XPR1: variants seen among roughly 807,000 people sequenced by gnomAD.
XPR1 encodes the protein solute carrier family 53 member 1.
XPR1 carries 28 observed loss-of-function variants against 87.5 expected under a neutral mutation model. That is an observed-to-expected ratio of 0.32 (90% CI 0.24 to 0.44). The LOEUF (loss-of-function observed/expected upper bound fraction) is 0.44. Ranked by LOEUF, XPR1 falls within the 20% of genes least tolerant of loss-of-function variation. The probability of loss-of-function intolerance (pLI) is 1.00; values close to 1 mark genes in which losing one functional copy is unlikely to be tolerated. For synonymous variants in XPR1, 300 were observed against 306.1 expected (o/e 0.98, Z 0.21); for missense variants, 559 against 862.3 (o/e 0.65, Z 4.41).
intron 2 of XPR1, among the ~76,000 whole-genome samples, chr1:180,759,140 A>G (rs1358491457): frequency 6.6e-6 from 1 of 152,218 alleles, no homozygotes; most frequent in African/African-American, 2.4e-5. Flanking sequence ...AATTTATAGC[A>G]CTAAATGCCC....
intron 2 of XPR1, among the ~76,000 whole-genome samples, chr1:180,747,578 AT>A (rs978389355): frequency 6.6e-6 from 1 of 152,212 alleles, no homozygotes. Context: ...GTTGATTGGA[AT>A]TTAGATAGTG....
intron 1 of XPR1, among the ~76,000 whole-genome samples, chr1:180,656,619 T>TA (rs1655533832): frequency 2.7e-5 from 3 of 111,656 alleles, no homozygotes; most frequent in African/African-American, 9.9e-5. Context: ...GTATAATATA[T>TA]TTTATATATG....
chr1:180,679,324 C>T (rs1571714714), intron 1 of XPR1, among the ~76,000 whole-genome samples: 1 of 152,190 alleles, frequency 6.6e-6, no homozygotes, highest in Non-Finnish European at 1.5e-5. Flanking sequence ...CTTCAGGGGA[C>T]ATTCGGCAAT....
intron 3 of XPR1, among the ~76,000 whole-genome samples, chr1:180,791,956 G>A (rs1571842487): frequency 1.3e-5 from 2 of 152,300 alleles, no homozygotes; most frequent in African/African-American, 2.4e-5. Flanking sequence ...TATTGGCAGG[G>A]CCAGTGAGGC....
chr1:180,674,561 CT>C (rs11382033), intron 1 of XPR1, among the ~76,000 whole-genome samples: 473 of 145,232 alleles, frequency 3.3e-3, no homozygotes, highest in African/African-American at 3.5e-3. Context: ...ACCCAGCCAA[CT>C]TTTTTTTTTT....
Position 180,806,155 on chromosome 1 carries a change from G to C in XPR1, c.541G>C (p.Glu181Gln). The change falls in exon 5 of 15, where the codon GAG (glutamate) becomes CAG (glutamine). Residue 181 changes from glutamate (E) to glutamine (Q), a missense_variant. By Grantham distance (29) the Glu-to-Gln change is conservative. Coordinates refer to ENST00000367590, the MANE Select transcript of XPR1 (RefSeq NM_004736.4). ...AGCAGATTGGCGAGTGGCTCACGTAGAGGTGGCCCCATTTTATACATGCAA... is the reference window on the plus strand; with the variant it reads ...AGCAGATTGGCGAGTGGCTCACGTACAGGTGGCCCCATTTTATACATGCAA... ...RGADWRVAHV[E>Q]VAPFYTCKKI... is the part of the protein sequence containing the mutation. 1 of 1,613,722 alleles carries C rather than the reference G, an allele frequency of 6.2e-7. No homozygotes were observed. Among genetic ancestry groups the C allele is most frequent in the Non-Finnish European group, 8.5e-7 (1 of 1,179,736 alleles).
intron 7 of XPR1, among the ~76,000 whole-genome samples, chr1:180,820,043 A>G: frequency 6.6e-6 from 1 of 152,004 alleles, no homozygotes; most frequent in East Asian, 1.9e-4. Context: ...TTATATATAT[A>G]TACACACACA....
chr1:180,811,518 T>C, intron 7 of XPR1, 30 bp downstream of exon 7: 1 of 1,557,842 alleles, frequency 6.4e-7, no homozygotes, highest in South Asian at 1.1e-5. Flanking sequence ...AATTAATTTA[T>C]TCTTACCAAT....
At chr1:180,803,177 G>A (rs1649857798) in intron 3 of XPR1, among the ~76,000 whole-genome samples, 1 of 152,072 alleles carries the variant, frequency 6.6e-6, no homozygotes, top group African/African-American at 2.4e-5. Context: ...TTATTCATTT[G>A]TAAAAAGAAA....
At chr1:180,790,073 A>T (rs78587688) in intron 3 of XPR1, among the ~76,000 whole-genome samples, 3,109 of 152,246 alleles carry the variant, frequency 0.02, 105 homozygotes, top group African/African-American at 0.071. Flanking sequence ...AAATAAAAAT[A>T]AAGGCCATCA....
chr1:180,760,713 C>T (rs181071539), intron 2 of XPR1, among the ~76,000 whole-genome samples: 10 of 152,174 alleles, frequency 6.6e-5, no homozygotes, highest in Admixed American at 3.9e-4. Context: ...AGATTCAATC[C>T]CATCACCATC....
intron 2 of XPR1, among the ~76,000 whole-genome samples, chr1:180,726,690 C>G (rs1658362291): frequency 1.6e-5 from 1 of 64,400 alleles, no homozygotes; most frequent in African/African-American, 6.6e-5. Context: ...ATGTGAGAAT[C>G]CAGCTTCTAT....
intron 2 of XPR1, among the ~76,000 whole-genome samples, chr1:180,727,693 G>A (rs1658403379): frequency 6.6e-6 from 1 of 152,196 alleles, no homozygotes; most frequent in Non-Finnish European, 1.5e-5. Flanking sequence ...GTAAAGGAAT[G>A]AAGGAATGGC....
At chr1:180,724,916 C>T (rs1369104285) in intron 2 of XPR1, among the ~76,000 whole-genome samples, 2 of 152,124 alleles carry the variant, frequency 1.3e-5, no homozygotes, top group African/African-American at 4.8e-5. Context: ...ATTTTTGATT[C>T]TAAGAAGTGC....
At chr1:180,820,560 AT>A (rs1650591107) in intron 7 of XPR1, among the ~76,000 whole-genome samples, 1 of 152,106 alleles carries the variant, frequency 6.6e-6, no homozygotes, top group Non-Finnish European at 1.5e-5. Flanking sequence ...TCTTTTGGCT[AT>A]TGTGAATGGT....
intron 2 of XPR1, among the ~76,000 whole-genome samples, chr1:180,699,235 C>CT (rs1159669380): frequency 1.1e-4 from 12 of 107,804 alleles, no homozygotes; most frequent in Admixed American, 4.1e-4. Context: ...TTATTATACT[C>CT]TAAGTTTTAG....
At chr1:180,857,364 G>A (rs1652071932) in intron 11 of XPR1, among the ~76,000 whole-genome samples, 2 of 152,098 alleles carry the variant, frequency 1.3e-5, no homozygotes, top group African/African-American at 2.4e-5. Flanking sequence ...CTACCCCTAC[G>A]AAATAGGAGG....
chr1:180,707,674 G>C (rs1020697106), intron 2 of XPR1, among the ~76,000 whole-genome samples: 1 of 152,128 alleles, frequency 6.6e-6, no homozygotes, highest in African/African-American at 2.4e-5. Context: ...TGTCTTTACT[G>C]CAACTCTCCA....
intron 7 of XPR1, among the ~76,000 whole-genome samples, chr1:180,815,890 C>T (rs1650389922): frequency 6.6e-6 from 1 of 152,018 alleles, no homozygotes; most frequent in Non-Finnish European, 1.5e-5. Context: ...GTTGATTAAG[C>T]CGTTTTGTTT....
Sources: allele counts gnomAD v4.1 joint callset (sites outside exome capture counted in the v4.1 genomes callset), GRCh38; gene constraint gnomAD v4.1.1; transcripts MANE v1.5; gene names NCBI Gene and HGNC (gene_info 2026-07-23, HGNC 2026-07-21).